DOK6: variants seen among roughly 807,000 people sequenced by gnomAD.
DOK6 encodes downstream of tyrosine kinase 6.
In DOK6, 22 loss-of-function variants were observed where a neutral mutation model predicts 44.0. The ratio of observed to expected loss-of-function variants is 0.50; its 90% CI spans 0.36 to 0.71. The LOEUF (loss-of-function observed/expected upper bound fraction) is 0.71. Among genes scored for constraint, DOK6 ranks in the 30% least tolerant of loss-of-function variants. The pLI is 0.00. For synonymous variants in DOK6, 166 were observed against 145.5 expected (o/e 1.14, Z -1.01); for missense variants, 340 against 416.4 (o/e 0.82, Z 1.60).
chr18:69,496,811 C>G (rs976882765), intron 1 of DOK6, among the ~76,000 whole-genome samples: 1 of 152,134 alleles, frequency 6.6e-6, no homozygotes, highest in East Asian at 1.9e-4. Context: ...AATCTTAAAA[C>G]ATGAATTATA....
intron 3 of DOK6, among the ~76,000 whole-genome samples, chr18:69,629,176 T>A (rs1984629670): frequency 6.6e-6 from 1 of 152,210 alleles, no homozygotes; most frequent in South Asian, 2.1e-4. Flanking sequence ...TTCAGGCAGC[T>A]TCATATCTAT....
chr18:69,736,343 G>C (rs1276766101), intron 5 of DOK6, among the ~76,000 whole-genome samples: 2 of 152,022 alleles, frequency 1.3e-5, no homozygotes, highest in Non-Finnish European at 2.9e-5. Context: ...GAAAATTCTG[G>C]AAACAAGTGT....
intron 3 of DOK6, among the ~76,000 whole-genome samples, chr18:69,624,786 C>A (rs1463374815): frequency 6.6e-6 from 1 of 152,034 alleles, no homozygotes; most frequent in Non-Finnish European, 1.5e-5. Context: ...ATATTAGAAG[C>A]CAATTCTTTC....
At chr18:69,677,906 C>T in intron 4 of DOK6, 53 bp downstream of exon 4, 3 of 1,573,286 alleles carry the variant, frequency 1.9e-6, no homozygotes, top group Non-Finnish European at 2.6e-6. Flanking sequence ...AATTGTAGAA[C>T]TTTGAAACTG....
At chr18:69,518,280 T>A (rs1011442303) in intron 1 of DOK6, among the ~76,000 whole-genome samples, 1 of 152,068 alleles carries the variant, frequency 6.6e-6, no homozygotes, top group African/African-American at 2.4e-5. Flanking sequence ...TATCCTTCCC[T>A]TTCCTTCTTC....
Position 69,701,074 on chromosome 18 carries a change from C to T in DOK6, c.599+2481C>T, listed in dbSNP as rs371901917. 2.0e-4 allele frequency among the ~76,000 whole-genome samples: 30 copies of T among 152,300 alleles called. No individual in the cohort carries two copies. In the East Asian group the frequency reaches 3.9e-3, roughly 20 times the overall value. On this transcript the variant is annotated intron_variant, in intron 5 of 7. Coordinates refer to ENST00000382713, the MANE Select transcript of DOK6 (RefSeq NM_152721.6). ...TTTCATTGACACACTTTTTCAAATG[C>T]ATTGTTAAATTCTGCTGTAAAACTG...
chr18:69,706,422 T>A (rs934736058), intron 5 of DOK6, among the ~76,000 whole-genome samples: 4 of 152,090 alleles, frequency 2.6e-5, no homozygotes, highest in African/African-American at 9.7e-5. Flanking sequence ...TTATATGCCC[T>A]AAAAAACAGG....
chr18:69,465,987 T>C (rs555904144), intron 1 of DOK6, among the ~76,000 whole-genome samples: 123 of 152,338 alleles, frequency 8.1e-4, no homozygotes, highest in Admixed American at 9.2e-4. Context: ...TAAATTAAGC[T>C]TACTAAACTT....
At chr18:69,825,441 T>C (rs953251934) in intron 7 of DOK6, among the ~76,000 whole-genome samples, 4 of 138,648 alleles carry the variant, frequency 2.9e-5, no homozygotes, top group Non-Finnish European at 6.3e-5. Context: ...TTTTTTTTTT[T>C]TTTTTTTTTT....
Position 69,775,641 on chromosome 18 carries a change from A to G in DOK6, c.856+17768A>G, listed in dbSNP as rs189591932. On this transcript the variant is annotated intron_variant, in intron 7 of 7. Transcript: ENST00000382713. ...TATAGAAAGAAAAAAGAGTAAATAA[A>G]TATTATAACAGACACTATAAAATAA... Among the ~76,000 whole-genome samples, 16 of 151,722 alleles carry G rather than the reference A, an allele frequency of 1.1e-4. No homozygotes were observed. The East Asian group carries it at 2.9e-3, about 27-fold the overall frequency.
At chr18:69,542,360 G>A (rs988447210) in intron 1 of DOK6, among the ~76,000 whole-genome samples, 1 of 151,426 alleles carries the variant, frequency 6.6e-6, no homozygotes, top group Non-Finnish European at 1.5e-5. Flanking sequence ...GTTAATGTTT[G>A]TAAGTCACTT....
intron 7 of DOK6, among the ~76,000 whole-genome samples, chr18:69,778,987 C>G (rs1480427116): frequency 2.6e-5 from 4 of 152,064 alleles, no homozygotes; most frequent in African/African-American, 7.2e-5. Context: ...CTATTTGAAT[C>G]TTTTACAAAA....
chr18:69,554,002 T>A (rs1481874643), intron 1 of DOK6, among the ~76,000 whole-genome samples: 1 of 152,192 alleles, frequency 6.6e-6, no homozygotes, highest in Non-Finnish European at 1.5e-5. Context: ...TCTGTCTCTA[T>A]CTGTTCCTAT....
At chr18:69,614,368 C>T (rs752944655) in intron 3 of DOK6, among the ~76,000 whole-genome samples, 1 of 152,070 alleles carries the variant, frequency 6.6e-6, no homozygotes. Context: ...ACATTTCAAC[C>T]TTTATTTTCA....
At chr18:69,403,844 C>A (rs545094783) in intron 1 of DOK6, among the ~76,000 whole-genome samples, 5 of 152,180 alleles carry the variant, frequency 3.3e-5, no homozygotes, top group African/African-American at 1.2e-4. Flanking sequence ...TTGAAGTTAT[C>A]CAAACATTAA....
At chr18:69,519,971 CAAA>C (rs1402900490) in intron 1 of DOK6, among the ~76,000 whole-genome samples, 1 of 151,708 alleles carries the variant, frequency 6.6e-6, no homozygotes, top group Non-Finnish European at 1.5e-5. Context: ...TTTTACCACA[CAAA>C]ATAATATTGC....
chr18:69,840,581 GAC>G (rs1243154624), intron 7 of DOK6, among the ~76,000 whole-genome samples: 2 of 152,180 alleles, frequency 1.3e-5, no homozygotes, highest in African/African-American at 4.8e-5. Flanking sequence ...CAAAAGCATA[GAC>G]AGAATTTTCT....
chr18:69,401,902 C>G (rs748395793), intron 1 of DOK6, among the ~76,000 whole-genome samples: 1 of 152,172 alleles, frequency 6.6e-6, no homozygotes, highest in African/African-American at 2.4e-5. Flanking sequence ...GTGTGTGCCC[C>G]GCGCCCGCCC....
chr18:69,447,145 A>C (rs140242803), intron 1 of DOK6, among the ~76,000 whole-genome samples: 5,034 of 152,244 alleles, frequency 0.033, 136 homozygotes, highest in Admixed American at 0.09. Context: ...TATGTCCTGA[A>C]TGGTATTGCC....
Sources: allele counts gnomAD v4.1 joint callset (sites outside exome capture counted in the v4.1 genomes callset), GRCh38; gene constraint gnomAD v4.1.1; transcripts MANE v1.5; gene names NCBI Gene and HGNC (gene_info 2026-07-23, HGNC 2026-07-21).